Variants in PRKD1 observed in about 807,000 individuals in gnomAD.
The protein encoded by PRKD1 is serine/threonine-protein kinase D1.
PRKD1 carries 63 observed loss-of-function variants against 95.9 expected under a neutral mutation model. That is an observed-to-expected ratio of 0.66 (90% CI 0.54 to 0.81). PRKD1 has a LOEUF of 0.81. PRKD1 is among the 30% of genes least tolerant of loss of function. The pLI is 0.00. For synonymous variants in PRKD1, 425 were observed against 423.1 expected (o/e 1.00, Z -0.05); for missense variants, 1,048 against 1,165.3 (o/e 0.90, Z 1.47).
chr14:29,804,098 C>T (rs966653507), intron 1 of PRKD1, among the ~76,000 whole-genome samples: 2 of 151,796 alleles, frequency 1.3e-5, no homozygotes, highest in African/African-American at 2.4e-5. Flanking sequence ...AAAAATTAGC[C>T]GGGCATGGTG....
chr14:29,651,178 G>C (rs1438455335), intron 4 of PRKD1, among the ~76,000 whole-genome samples: 1 of 152,134 alleles, frequency 6.6e-6, no homozygotes, highest in South Asian at 2.1e-4. Flanking sequence ...AGAGACAAAA[G>C]ATAAGAGACT....
intron 1 of PRKD1, among the ~76,000 whole-genome samples, chr14:29,922,410 C>CA (rs955484882): frequency 2.0e-5 from 3 of 151,520 alleles, no homozygotes; most frequent in Admixed American, 6.6e-5. Context: ...GTCTATAACA[C>CA]AAAATATAAA....
chr14:29,842,810 G>A (rs116153816), intron 1 of PRKD1, among the ~76,000 whole-genome samples: 1,720 of 152,218 alleles, frequency 0.011, 29 homozygotes, highest in African/African-American at 0.037. Flanking sequence ...CCTTTGAACC[G>A]CTTTTTCTGA....
intron 1 of PRKD1, among the ~76,000 whole-genome samples, chr14:29,840,394 T>C (rs1448097475): frequency 6.6e-6 from 1 of 152,170 alleles, no homozygotes; most frequent in African/African-American, 2.4e-5. Context: ...ATCAGTATTT[T>C]TGTCAAAGCC....
At chr14:29,804,078 C>T (rs1013445361) in intron 1 of PRKD1, among the ~76,000 whole-genome samples, 1 of 151,964 alleles carries the variant, frequency 6.6e-6, no homozygotes, top group Non-Finnish European at 1.5e-5. Flanking sequence ...CCCATCTCTA[C>T]TAAAAATACA....
Position 29,791,420 on chromosome 14 carries a change from T to G in PRKD1, c.265-65746A>C, listed in dbSNP as rs143163593. Among the ~76,000 whole-genome samples the G allele has an allele frequency of 7.9e-5, 12 of 152,270 alleles. No homozygotes were observed. In the East Asian group the frequency reaches 2.3e-3, roughly 29 times the overall value. On this transcript the variant is annotated intron_variant, in intron 1 of 17. Coordinates refer to ENST00000331968, the MANE Select transcript of PRKD1 (RefSeq NM_002742.3). The stretch of plus-strand genomic sequence containing the variant: ...CTGAAATTACCAGATAATGAACATA[T>G]CCTTCATCCCAAGGAAACAAATGCA...
chr14:29,816,793 A>G (rs180688411), intron 1 of PRKD1, among the ~76,000 whole-genome samples: 64 of 152,298 alleles, frequency 4.2e-4, no homozygotes, highest in African/African-American at 1.5e-3. Context: ...TAAATAATCT[A>G]TTTTATGTGA....
intron 4 of PRKD1, among the ~76,000 whole-genome samples, chr14:29,643,711 A>C (rs1880947493): frequency 6.6e-6 from 1 of 152,252 alleles, no homozygotes; most frequent in South Asian, 2.1e-4. Context: ...TCTCTTCATT[A>C]GTTAAGCTAG....
intron 2 of PRKD1, among the ~76,000 whole-genome samples, chr14:29,674,623 G>A (rs549377851): frequency 5.6e-4 from 85 of 152,228 alleles, no homozygotes; most frequent in African/African-American, 1.9e-3. Context: ...CTGAATAGAG[G>A]GAAAGAAAGG....
intron 1 of PRKD1, among the ~76,000 whole-genome samples, chr14:29,916,222 T>C (rs762866247): frequency 3.3e-5 from 5 of 152,196 alleles, no homozygotes; most frequent in Non-Finnish European, 5.9e-5. Flanking sequence ...AAGTTGCTCT[T>C]TGGAGCTCTC....
intron 12 of PRKD1, 96 bp downstream of exon 12, chr14:29,626,388 G>T: frequency 1.0e-6 from 1 of 973,490 alleles, no homozygotes; most frequent in Non-Finnish European, 1.5e-6. Flanking sequence ...TATACACATA[G>T]GTCTTCTCTT....
intron 1 of PRKD1, among the ~76,000 whole-genome samples, chr14:29,912,089 G>A (rs1894736167): frequency 6.6e-6 from 1 of 152,100 alleles, no homozygotes; most frequent in Admixed American, 6.5e-5. Flanking sequence ...TCACCTGTCT[G>A]ACCTAGTTAG....
At chr14:29,808,811 ACTC>A (rs1890358827) in intron 1 of PRKD1, among the ~76,000 whole-genome samples, 1 of 151,852 alleles carries the variant, frequency 6.6e-6, no homozygotes, top group South Asian at 2.1e-4. Context: ...CTTCTTCCAA[ACTC>A]CTCTTATTGT....
intron 1 of PRKD1, among the ~76,000 whole-genome samples, chr14:29,918,708 C>T (rs1365960451): frequency 6.6e-6 from 1 of 152,228 alleles, no homozygotes; most frequent in South Asian, 2.1e-4. Flanking sequence ...TATAACATGC[C>T]ACTCCTAACC....
rs1041392719 is a variant in PRKD1, at chr14:29,684,158, T to C, written c.404-17950A>G. 1.5e-4 allele frequency among the ~76,000 whole-genome samples: 22 copies of C among 151,322 alleles called. 1 individual carries two copies. The East Asian group carries it at 4.1e-3, about 28-fold the overall frequency. The stretch of plus-strand genomic sequence containing the variant: ...CTTTAGAATGGTTTTTTTTTTTTTT[T>C]TCTTTTTTCTGAGATGGAGTCTCAC... On this transcript the variant is annotated intron_variant, in intron 2 of 17. Transcript: ENST00000331968.
At chr14:29,733,105 TTTA>T (rs1379398460) in intron 1 of PRKD1, among the ~76,000 whole-genome samples, 2 of 138,990 alleles carry the variant, frequency 1.4e-5, no homozygotes, top group Admixed American at 7.2e-5. Flanking sequence ...TTTTTATTTA[TTTA>T]TTTTTTTTTT....
chr14:29,907,209 CCGG>C lies in PRKD1; in HGVS notation c.264+20037_264+20039del, dbSNP rs45530834. Among the ~76,000 whole-genome samples, 175 of 152,312 alleles carry C rather than the reference CCGG, an allele frequency of 1.1e-3. 3 individuals are homozygous for C. Among genetic ancestry groups the C allele is most frequent in the African/African-American group, 4.1e-3 (171 of 41,558 alleles). On this transcript the variant is annotated intron_variant, in intron 1 of 17. Coordinates refer to ENST00000331968, the MANE Select transcript of PRKD1 (RefSeq NM_002742.3). ...AAATCCCCAGAAGCGACCCAAATCT[CCGG>C]GGCTTCTGTTTGTTTCCTCCAGCAA...
intron 1 of PRKD1, among the ~76,000 whole-genome samples, chr14:29,804,017 G>C (rs748665202): frequency 6.6e-6 from 1 of 152,020 alleles, no homozygotes; most frequent in African/African-American, 2.4e-5. Flanking sequence ...CGAGGGGGGC[G>C]GATCACCTGA....
At chr14:29,713,503 T>A (rs1042915630) in intron 2 of PRKD1, among the ~76,000 whole-genome samples, 2 of 152,184 alleles carry the variant, frequency 1.3e-5, no homozygotes, top group Non-Finnish European at 1.5e-5. Context: ...CTAGAATTTA[T>A]ATACTTAACT....
Sources: allele counts gnomAD v4.1 joint callset (sites outside exome capture counted in the v4.1 genomes callset), GRCh38; gene constraint gnomAD v4.1.1; transcripts MANE v1.5; gene names NCBI Gene and HGNC (gene_info 2026-07-23, HGNC 2026-07-21).